Variants in FBXL7 observed in about 807,000 individuals in gnomAD.
The protein encoded by FBXL7 is F-box/LRR-repeat protein 7.
In FBXL7, 12 loss-of-function variants were observed where a neutral mutation model predicts 38.3. That is an observed-to-expected ratio of 0.31 (90% CI 0.20 to 0.51). The LOEUF is 0.51. Ranked by LOEUF, FBXL7 falls within the 20% of genes least tolerant of loss-of-function variation. The pLI is 0.98. For missense variants in FBXL7, 567 were observed against 676.4 expected, an observed-to-expected ratio of 0.84 and a Z score of 1.79; for synonymous variants, 297 against 300.9, an observed-to-expected ratio of 0.99 and a Z score of 0.13.
chr5:15,657,108 G>A (rs757461731), intron 2 of FBXL7, among the ~76,000 whole-genome samples: 40 of 152,136 alleles, frequency 2.6e-4, no homozygotes, highest in Non-Finnish European at 3.4e-4. Flanking sequence ...GACAGACCAC[G>A]TTCCTGGATA....
At chr5:15,797,986 C>T (rs562346336) in intron 2 of FBXL7, among the ~76,000 whole-genome samples, 1 of 152,158 alleles carries the variant, frequency 6.6e-6, no homozygotes, top group East Asian at 1.9e-4. Context: ...TGCTGTGGTT[C>T]CTCCCTATTT....
Position 15,818,735 on chromosome 5 carries a change from TGTGTGTGTGA to T in FBXL7, c.128-109153_128-109144del, listed in dbSNP as rs760403039. Among the ~76,000 whole-genome samples the T allele has an allele frequency of 3.4e-3, 313 of 91,548 alleles. 1 individual carries two copies. Among genetic ancestry groups the T allele is most frequent in the African/African-American group, 0.011 (297 of 26,524 alleles). 60.1% of individuals were successfully genotyped at this position (91,548 alleles called of 152,430 possible). ...GTGTGTGTGTGTGTGTGTGTGTGTG[TGTGTGTGTGA>T]GAGAGAGAGAGATTTAAAATTCCCA... On this transcript the variant is annotated intron_variant, in intron 2 of 3. Coordinates refer to ENST00000504595, the MANE Select transcript of FBXL7 (RefSeq NM_012304.5).
intron 2 of FBXL7, among the ~76,000 whole-genome samples, chr5:15,790,393 TAG>T (rs1737243223): frequency 6.6e-6 from 1 of 152,072 alleles, no homozygotes; most frequent in South Asian, 2.1e-4. Flanking sequence ...ACTGTAAAAT[TAG>T]AGAGTAGAGT....
intron 2 of FBXL7, among the ~76,000 whole-genome samples, chr5:15,804,387 T>G (rs1462281863): frequency 6.6e-6 from 1 of 152,120 alleles, no homozygotes; most frequent in Non-Finnish European, 1.5e-5. Flanking sequence ...GAGGATCCCT[T>G]GAGCCCAGGA....
chr5:15,892,944 C>T (rs964389001), intron 2 of FBXL7, among the ~76,000 whole-genome samples: 10 of 152,144 alleles, frequency 6.6e-5, no homozygotes, highest in Admixed American at 1.3e-4. Flanking sequence ...GGTGAAACCC[C>T]GTCTCTACTA....
At chr5:15,509,294 G>C (rs1252745400) in intron 1 of FBXL7, among the ~76,000 whole-genome samples, 1 of 152,016 alleles carries the variant, frequency 6.6e-6, no homozygotes, top group Non-Finnish European at 1.5e-5. Context: ...TCCTGCTATA[G>C]CTACAGAAAT....
intron 2 of FBXL7, among the ~76,000 whole-genome samples, chr5:15,856,607 T>A (rs960388827): frequency 1.3e-5 from 2 of 151,852 alleles, no homozygotes; most frequent in African/African-American, 4.8e-5. Flanking sequence ...GATAGAGACA[T>A]CAATAAATCC....
chr5:15,669,213 A>C (rs1742382026), intron 2 of FBXL7, among the ~76,000 whole-genome samples: 1 of 152,210 alleles, frequency 6.6e-6, no homozygotes, highest in African/African-American at 2.4e-5. Flanking sequence ...GAACTTTTCA[A>C]AAGCATCCAA....
chr5:15,524,090 A>G (rs2126379330), intron 1 of FBXL7, among the ~76,000 whole-genome samples: 1 of 152,304 alleles, frequency 6.6e-6, no homozygotes, highest in South Asian at 2.1e-4. Context: ...CCAAATAAGG[A>G]CATAAAATGC....
At chr5:15,694,216 A>G (rs1160216476) in intron 2 of FBXL7, among the ~76,000 whole-genome samples, 1 of 150,210 alleles carries the variant, frequency 6.7e-6, no homozygotes, top group African/African-American at 2.4e-5. Flanking sequence ...CCCTTGTTGC[A>G]TGTCCTGCAA....
chr5:15,662,531 G>T (rs1742120889), intron 2 of FBXL7, among the ~76,000 whole-genome samples: 1 of 152,006 alleles, frequency 6.6e-6, no homozygotes, highest in African/African-American at 2.4e-5. Flanking sequence ...TTCAATTTTT[G>T]CTATTGTTGA....
chr5:15,620,706 G>T (rs1740609501), intron 2 of FBXL7, among the ~76,000 whole-genome samples: 1 of 152,188 alleles, frequency 6.6e-6, no homozygotes, highest in African/African-American at 2.4e-5. Context: ...GAACTGGCCT[G>T]AAACTGATAG....
At chr5:15,559,118 T>C (rs1429351790) in intron 1 of FBXL7, among the ~76,000 whole-genome samples, 2 of 152,200 alleles carry the variant, frequency 1.3e-5, no homozygotes, top group African/African-American at 4.8e-5. Context: ...AGTTGCATTT[T>C]GGGGAGAAGA....
chr5:15,699,730 T>C (rs1261370167), intron 2 of FBXL7, among the ~76,000 whole-genome samples: 1 of 152,180 alleles, frequency 6.6e-6, no homozygotes, highest in Non-Finnish European at 1.5e-5. Context: ...CAGGTTTCAC[T>C]AACCTGACTG....
chr5:15,500,553 C>G lies in FBXL7; in HGVS notation c.-124C>G. The G allele has an allele frequency of 1.4e-6, 2 of 1,398,180 alleles. No individual in the cohort carries two copies. The highest frequency in any genetic ancestry group is 1.2e-5 in the South Asian group (1 of 86,862). The allele number at this position is 1,398,180 out of a possible 1,614,324, so 86.6% of individuals were successfully genotyped here. A position where few individuals can be genotyped will look rare whatever the true frequency, so the allele number is the denominator to read the frequency against. On this transcript the variant is annotated 5_prime_UTR_variant, in exon 1 of 4. Transcript: ENST00000504595. ...GACCTCTCCAGGCCGGAGGTCGGCC[C>G]CGGAGCTTGGGGGGGATGTGCAGCT...
At chr5:15,716,444 C>T (rs1744046446) in intron 2 of FBXL7, among the ~76,000 whole-genome samples, 1 of 152,166 alleles carries the variant, frequency 6.6e-6, no homozygotes, top group South Asian at 2.1e-4. Context: ...GATTAAGTAA[C>T]ATTGCTGCCC....
intron 2 of FBXL7, among the ~76,000 whole-genome samples, chr5:15,757,910 A>C (rs1736340560): frequency 6.6e-6 from 1 of 152,098 alleles, no homozygotes. Context: ...CCACAGCTAG[A>C]TGATTCCTAT....
chr5:15,535,319 G>A (rs998239564), intron 1 of FBXL7, among the ~76,000 whole-genome samples: 1 of 152,232 alleles, frequency 6.6e-6, no homozygotes, highest in Non-Finnish European at 1.5e-5. Context: ...TGGGTAATGG[G>A]CAGAGGTTGG....
chr5:15,702,154 C>T (rs570395361), intron 2 of FBXL7, among the ~76,000 whole-genome samples: 5 of 151,442 alleles, frequency 3.3e-5, no homozygotes, highest in Non-Finnish European at 5.9e-5. Context: ...AGGAAAATCG[C>T]TTGAACCCAG....
Sources: allele counts gnomAD v4.1 joint callset (sites outside exome capture counted in the v4.1 genomes callset), GRCh38; gene constraint gnomAD v4.1.1; transcripts MANE v1.5; gene names NCBI Gene and HGNC (gene_info 2026-07-23, HGNC 2026-07-21).